Variants in ZNF718 observed in about 807,000 individuals in gnomAD.
ZNF718 encodes zinc finger protein 718.
ZNF718 carries 3 observed loss-of-function variants against 2.6 expected under a neutral mutation model. That is an observed-to-expected ratio of 1.16 (90% confidence interval 0.53 to 3.01). The LOEUF is 3.01. Ranked by LOEUF, ZNF718 falls within the 30% of genes most tolerant of loss-of-function variation. The pLI is 0.03. For synonymous variants in ZNF718, 135 were observed against 77.9 expected (o/e 1.73, Z -3.86); for missense variants, 468 against 230.0 (o/e 2.03, Z -6.69).
At chr4:138,271 C>A (rs1014505458) in intron 3 of ZNF718, among the ~76,000 whole-genome samples, 2 of 152,230 alleles carry the variant, frequency 1.3e-5, no homozygotes, top group Non-Finnish European at 2.9e-5. Context: ...ATCTTCCCCA[C>A]TTCCCCCAGT....
intron 3 of ZNF718, among the ~76,000 whole-genome samples, chr4:192,832 A>G (rs1717719520): frequency 6.6e-6 from 1 of 152,218 alleles, no homozygotes. Context: ...TTAAAGATAC[A>G]GAGATTGAAA....
At chr4:143,652 A>T (rs1306323160) in intron 3 of ZNF718, among the ~76,000 whole-genome samples, 2 of 152,164 alleles carry the variant, frequency 1.3e-5, no homozygotes, top group Non-Finnish European at 2.9e-5. Context: ...AAATCTCTGT[A>T]ACAAACATTC....
At chr4:146,951 A>G (rs1033876891) in intron 3 of ZNF718, among the ~76,000 whole-genome samples, 1 of 152,106 alleles carries the variant, frequency 6.6e-6, no homozygotes, top group South Asian at 2.1e-4. Flanking sequence ...GTACTTTTGC[A>G]TCTTACTGAG....
rs939059349 is a variant in ZNF718, at chr4:137,276, G to A, written c.226+5771G>A. ...AATTACCTAGTCTCAGGTATTTATA[G>A]CAATGCAAGAATAAACTAATACAGT... On this transcript the variant is annotated intron_variant, in intron 3 of 3. Transcript: ENST00000510175. Among the ~76,000 whole-genome samples the A allele has an allele frequency of 2.6e-5, 4 of 152,118 alleles. No homozygotes were observed. The South Asian group carries it at 6.2e-4, about 24-fold the overall frequency.
chr4:170,686 T>A (rs1275233843), intron 3 of ZNF718, among the ~76,000 whole-genome samples: 1 of 152,198 alleles, frequency 6.6e-6, no homozygotes, highest in African/African-American at 2.4e-5. Context: ...CATGCCTTGG[T>A]TTTCAGCTCC....
In ZNF718 at chr4:183,364, C is replaced by T. The variant is rs1025241695; in HGVS notation, c.227-17717C>T. Among the ~76,000 whole-genome samples the T allele has an allele frequency of 7.2e-5, 11 of 152,092 alleles. No individual in the cohort carries two copies. The East Asian group carries it at 9.7e-4, about 13-fold the overall frequency. On this transcript the variant is annotated intron_variant and NMD_transcript_variant, in intron 3 of 4. Transcript: ENST00000642529. ...ATTCTGTTCCATTGGTCTATCTGTC[C>T]GTTCTTGTACCAGTACCATGCTATT...
At chr4:181,039 G>C (rs1230090585) in intron 3 of ZNF718, among the ~76,000 whole-genome samples, 1 of 150,902 alleles carries the variant, frequency 6.6e-6, no homozygotes, top group East Asian at 2.0e-4. Flanking sequence ...TTTTTCTCTT[G>C]TTTTGAGACA....
At chr4:181,498 T>C (rs1475182262) in intron 3 of ZNF718, among the ~76,000 whole-genome samples, 4 of 152,154 alleles carry the variant, frequency 2.6e-5, no homozygotes, top group Non-Finnish European at 5.9e-5. Flanking sequence ...CTTTATTTGT[T>C]TGCATGTTGA....
chr4:200,805 C>T (rs534361689), intron 3 of ZNF718, among the ~76,000 whole-genome samples: 27 of 152,040 alleles, frequency 1.8e-4, no homozygotes, highest in Middle Eastern at 3.2e-3. Flanking sequence ...AGGCTATTAA[C>T]AACAGTGATT....
At position 177,610 on chromosome 4, in the gene ZNF718, C is replaced by G. The variant is rs189258014; in HGVS notation, c.227-23471C>G. On this transcript the variant is annotated intron_variant and NMD_transcript_variant, in intron 3 of 4. Coordinates refer to the ZNF718 transcript ENST00000642529. ...TTGTTCCTTCTCACCTAGAAACTCT[C>G]AGAGTTCAAATGGTCCTCTAACAGG... Among the ~76,000 whole-genome samples, 128 of 152,262 alleles carry G rather than the reference C, an allele frequency of 8.4e-4. 1 individual carries two copies. The highest frequency in any genetic ancestry group is 3.7e-3 in the Admixed American group (57 of 15,282).
At chr4:185,735 T>C (rs1717553942) in intron 3 of ZNF718, among the ~76,000 whole-genome samples, 1 of 152,240 alleles carries the variant, frequency 6.6e-6, no homozygotes, top group Non-Finnish European at 1.5e-5. Context: ...AATTGAAACC[T>C]TTACCCTTAT....
At chr4:186,554 C>T (rs1223010584) in intron 3 of ZNF718, among the ~76,000 whole-genome samples, 1 of 152,124 alleles carries the variant, frequency 6.6e-6, no homozygotes, top group Non-Finnish European at 1.5e-5. Flanking sequence ...GGAAGTTCTC[C>T]TGGATGATAT....
intron 3 of ZNF718, among the ~76,000 whole-genome samples, chr4:169,281 G>A (rs1350986992): frequency 3.3e-5 from 5 of 152,058 alleles, no homozygotes; most frequent in East Asian, 1.9e-4. Context: ...CTATGTGGTC[G>A]ATTTTGGAAT....
rs1450764877 is a variant in ZNF718, at chr4:136,510, A to G, written c.226+5005A>G. The G allele has an allele frequency of 5.7e-6, 3 of 521,910 alleles. No homozygotes were observed. In the African/African-American group the frequency reaches 5.8e-5, roughly 10 times the overall value. 32.3% of individuals were successfully genotyped at this position (521,910 alleles called of 1,614,324 possible). On this transcript the variant is annotated intron_variant, in intron 3 of 3. Coordinates refer to ENST00000510175, the MANE Select transcript of ZNF718 (RefSeq NM_001039127.6). ...GACCAAGCTTAGTGTGCCATGTTTT[A>G]TCTGCAGCCATGTCTATGGGCTCTT...
At chr4:185,416 C>G (rs1224390673) in intron 3 of ZNF718, among the ~76,000 whole-genome samples, 1 of 152,098 alleles carries the variant, frequency 6.6e-6, no homozygotes, top group Non-Finnish European at 1.5e-5. Context: ...TGTTTTAATA[C>G]TGATTATATG....
At chr4:165,900 C>G (rs1251391353), downstream of ZNF718, among the ~76,000 whole-genome samples, 6 of 151,980 alleles carry the variant, frequency 3.9e-5, no homozygotes, top group Non-Finnish European at 8.8e-5. Flanking sequence ...GCACAACGTG[C>G]AGGTTAGTTA....
rs182496113 is a variant in ZNF718 at position 192,864 on chromosome 4, T to C, written c.227-8217T>C. On this transcript the variant is annotated intron_variant and NMD_transcript_variant, in intron 3 of 4. Transcript: ENST00000642529. ...GAAATGTATGACCTGCAGTGCAGGG[T>C]ATTATTTCTTCAGCACACTTCACAG... is the stretch of plus-strand genomic sequence containing the variant. 5.7e-3 allele frequency among the ~76,000 whole-genome samples: 872 copies of C among 152,286 alleles called. 32 individuals are homozygous for C. The highest frequency in any genetic ancestry group is 1.8e-3 in the Non-Finnish European group (123 of 68,024).
At chr4:145,673 G>A (rs1716020082) in intron 3 of ZNF718, among the ~76,000 whole-genome samples, 1 of 151,984 alleles carries the variant, frequency 6.6e-6, no homozygotes, top group Non-Finnish European at 1.5e-5. Flanking sequence ...GCTCAGGCTG[G>A]TCTTGAACTC....
chr4:198,794 A>C (rs1489231928), intron 3 of ZNF718, among the ~76,000 whole-genome samples: 2 of 152,226 alleles, frequency 1.3e-5, no homozygotes, highest in Non-Finnish European at 2.9e-5. Context: ...CCTGAATTTT[A>C]GACTTTTCAA....
Sources: allele counts gnomAD v4.1 joint callset (sites outside exome capture counted in the v4.1 genomes callset), GRCh38; gene constraint gnomAD v4.1.1; transcripts MANE v1.5; gene names NCBI Gene and HGNC (gene_info 2026-07-23, HGNC 2026-07-21).